Variants in PLA2R1 observed in about 807,000 individuals in gnomAD.
The protein encoded by PLA2R1 is phospholipase A2 receptor 1.
In PLA2R1, 158 loss-of-function variants were observed where a neutral mutation model predicts 195.9. That is an observed-to-expected ratio of 0.81 (90% confidence interval 0.71 to 0.92). PLA2R1 has a LOEUF of 0.92. Among genes scored for constraint, PLA2R1 ranks in the 40% least tolerant of loss-of-function variants. PLA2R1 has a pLI of 0.00. For synonymous variants in PLA2R1, 586 were observed against 598.2 expected, an observed-to-expected ratio of 0.98 and a Z score of 0.30; for missense variants, 1,626 against 1,764.6, an observed-to-expected ratio of 0.92 and a Z score of 1.41.
chr2:159,943,591 A>C (rs2063440), intron 28 of PLA2R1, among the ~76,000 whole-genome samples: 54,914 of 151,692 alleles, frequency 0.36, 12,434 homozygotes, highest in Non-Finnish European at 0.51. Context: ...ATGTAGCCTC[A>C]GTTTGCACAG....
chr2:159,971,096 TATA>T (rs1689138010), intron 17 of PLA2R1, among the ~76,000 whole-genome samples: 2 of 152,068 alleles, frequency 1.3e-5, no homozygotes, highest in Admixed American at 6.6e-5. Context: ...GAACTTAAAG[TATA>T]ATAATAAAAA....
chr2:160,054,018 T>G (rs1245278880), intron 1 of PLA2R1, among the ~76,000 whole-genome samples: 4 of 152,228 alleles, frequency 2.6e-5, no homozygotes, highest in African/African-American at 9.6e-5. Flanking sequence ...CTTGTTTGCA[T>G]TTGAACAAGA....
rs1261958355 is a variant in PLA2R1, at chr2:159,996,275, T to A, written c.1835-8917A>T. 2.0e-5 allele frequency among the ~76,000 whole-genome samples: 3 copies of A among 152,106 alleles called. No individual in the cohort carries two copies. In the East Asian group the frequency reaches 5.8e-4, roughly 29 times the overall value. ...AAAATCAGATAAAATCTGATAAAAA[T>A]TCTCCTTCATTTTTAAAGGATACTT... On this transcript the variant is annotated intron_variant, in intron 11 of 29. Transcript: ENST00000283243.
chr2:159,929,657 C>T (rs572563278), downstream of PLA2R1, among the ~76,000 whole-genome samples: 1 of 152,078 alleles, frequency 6.6e-6, no homozygotes, highest in Non-Finnish European at 1.5e-5. Context: ...TGGCTGTCTA[C>T]CCAGAGGAAA....
intron 27 of PLA2R1, among the ~76,000 whole-genome samples, chr2:159,945,467 C>T (rs183981786): frequency 1.3e-4 from 20 of 151,886 alleles, no homozygotes; most frequent in Admixed American, 8.5e-4. Flanking sequence ...TTTGTTCTTG[C>T]GATAATTACT....
At chr2:159,926,405 CT>C in the PLA2R1 span, among the ~76,000 whole-genome samples, 91,737 of 152,054 alleles carry the variant, frequency 0.6, 32,238 homozygotes, top group Non-Finnish European at 0.78. Context: ...TTATAATAAC[CT>C]TTTCTTTAGT....
intron 8 of PLA2R1, among the ~76,000 whole-genome samples, chr2:160,018,458 C>T (rs1016358986): frequency 6.6e-6 from 1 of 152,102 alleles, no homozygotes; most frequent in Non-Finnish European, 1.5e-5. Context: ...AACATGAAAC[C>T]CCATGTCTAC....
In PLA2R1 at chr2:159,967,647, A is replaced by G. The variant is rs779953261; in HGVS notation, c.2796T>C (p.Ser932=). ...TTTTTCGCTTACAGATACTAGGCATAGAAACTGAACACTCTTCACTACCCC... is the reference window on the plus strand; with the variant it reads ...TTTTTCGCTTACAGATACTAGGCATGGAAACTGAACACTCTTCACTACCCC... ...GLWGSEECSV[S]MPSICKRKKV... The change falls in exon 20 of 30, where the codon TCT becomes TCC. Residue 932 remains serine, a synonymous_variant. Coordinates refer to ENST00000283243, the MANE Select transcript of PLA2R1 (RefSeq NM_007366.5). 1 of 1,613,848 alleles carries G rather than the reference A, an allele frequency of 6.2e-7. No individual in the cohort carries two copies. Among genetic ancestry groups the G allele is most frequent in the South Asian group, 1.1e-5 (1 of 91,080 alleles).
At chr2:159,984,917 C>G (rs1446971864) in intron 12 of PLA2R1, among the ~76,000 whole-genome samples, 1 of 152,164 alleles carries the variant, frequency 6.6e-6, no homozygotes, top group Non-Finnish European at 1.5e-5. Context: ...GAATAGCTTT[C>G]CAAGTCCTGT....
chr2:160,023,949 C>T (rs943092227), intron 6 of PLA2R1, among the ~76,000 whole-genome samples: 13 of 142,788 alleles, frequency 9.1e-5, no homozygotes, highest in Non-Finnish European at 2.0e-4. Flanking sequence ...AGACTTCTCT[C>T]TGTAAGGAAA....
At chr2:159,972,771 G>A (rs1016602915) in intron 17 of PLA2R1, among the ~76,000 whole-genome samples, 5 of 152,136 alleles carry the variant, frequency 3.3e-5, no homozygotes, top group African/African-American at 1.2e-4. Flanking sequence ...AGTGCTTGCA[G>A]CGTTTTTTCA....
intron 12 of PLA2R1, among the ~76,000 whole-genome samples, chr2:159,986,937 T>G (rs2105319772): frequency 6.6e-6 from 1 of 152,240 alleles, no homozygotes; most frequent in Non-Finnish European, 1.5e-5. Context: ...GAGGAAGCCT[T>G]CAATATCACC....
chr2:160,033,513 T>C (rs947173625), intron 3 of PLA2R1, among the ~76,000 whole-genome samples: 1 of 152,198 alleles, frequency 6.6e-6, no homozygotes, highest in African/African-American at 2.4e-5. Flanking sequence ...TTTTAGTAGA[T>C]ACAAATGTTA....
At chr2:160,059,613 C>T (rs922673279) in intron 1 of PLA2R1, among the ~76,000 whole-genome samples, 1 of 152,136 alleles carries the variant, frequency 6.6e-6, no homozygotes, top group Non-Finnish European at 1.5e-5. Context: ...CTATATAATA[C>T]TGTATCTACT....
At chr2:160,052,098 C>G (rs527948455) in intron 1 of PLA2R1, among the ~76,000 whole-genome samples, 10 of 152,296 alleles carry the variant, frequency 6.6e-5, no homozygotes, top group Admixed American at 5.2e-4. Context: ...TCCACAGGGC[C>G]GTGGACCGCT....
intron 4 of PLA2R1, 87 bp downstream of exon 4, chr2:160,032,872 T>C (rs1338489912): frequency 9.6e-7 from 1 of 1,047,076 alleles, no homozygotes; most frequent in African/African-American, 1.7e-5. Flanking sequence ...AAGAACTTTT[T>C]GTCAGAATAT....
intron 13 of PLA2R1, among the ~76,000 whole-genome samples, chr2:159,982,578 T>TA (rs1406577777): frequency 1.3e-5 from 2 of 152,218 alleles, no homozygotes; most frequent in African/African-American, 4.8e-5. Context: ...TATTTGACCA[T>TA]AAAATCTCCT....
chr2:159,992,223 G>A (rs948033447), intron 11 of PLA2R1, among the ~76,000 whole-genome samples: 3 of 151,884 alleles, frequency 2.0e-5, no homozygotes, highest in Non-Finnish European at 4.4e-5. Context: ...CAGTGATGAT[G>A]AGCATTTTTT....
At chr2:159,945,406 T>A (rs1028539732) in intron 27 of PLA2R1, among the ~76,000 whole-genome samples, 3 of 149,690 alleles carry the variant, frequency 2.0e-5, no homozygotes, top group Non-Finnish European at 4.5e-5. Context: ...TGTCCATGTG[T>A]TCTCATTGTT....
Sources: allele counts gnomAD v4.1 joint callset (sites outside exome capture counted in the v4.1 genomes callset), GRCh38; gene constraint gnomAD v4.1.1; transcripts MANE v1.5; gene names NCBI Gene and HGNC (gene_info 2026-07-23, HGNC 2026-07-21).